Variants in DGKB observed in about 807,000 individuals in gnomAD.
The protein encoded by DGKB is 90 kDa diacylglycerol kinase.
In DGKB, 67 loss-of-function variants were observed where a neutral mutation model predicts 114.3. The observed-to-expected ratio is 0.59, with a 90% CI of 0.48 to 0.72. DGKB has a LOEUF of 0.72. DGKB is among the 30% of genes least tolerant of loss of function. The pLI, the probability that DGKB is intolerant of heterozygous loss-of-function variation, is 0.00. For synonymous variants in DGKB, 398 were observed against 323.1 expected, an observed-to-expected ratio of 1.23 and a Z score of -2.49; for missense variants, 907 against 975.2, an observed-to-expected ratio of 0.93 and a Z score of 0.93.
intron 25 of DGKB, among the ~76,000 whole-genome samples, chr7:14,169,993 G>T (rs185103328): frequency 1.0e-3 from 158 of 151,848 alleles, no homozygotes; most frequent in Non-Finnish European, 2.5e-4. Context: ...AATTAGCCAG[G>T]TGTGGTGGCA....
intron 20 of DGKB, among the ~76,000 whole-genome samples, chr7:14,559,356 C>T (rs907032942): frequency 5.3e-5 from 8 of 152,016 alleles, no homozygotes; most frequent in African/African-American, 1.4e-4. Context: ...TGCAGTCCTC[C>T]TACATCATTT....
chr7:14,517,295 C>T (rs989076789), intron 20 of DGKB, among the ~76,000 whole-genome samples: 1 of 151,952 alleles, frequency 6.6e-6, no homozygotes. Context: ...ATACCACATA[C>T]AAAAATCAAC....
chr7:14,876,131 G>A (rs546988561), intron 1 of DGKB, among the ~76,000 whole-genome samples: 2 of 152,268 alleles, frequency 1.3e-5, no homozygotes, highest in South Asian at 2.1e-4. Flanking sequence ...CTTTCCATAA[G>A]ACATGCCCAC....
intron 23 of DGKB, among the ~76,000 whole-genome samples, chr7:14,208,865 T>C (rs1787264943): frequency 1.4e-5 from 2 of 147,328 alleles, no homozygotes; most frequent in African/African-American, 2.6e-5. Flanking sequence ...AGAATATTCA[T>C]AGCCTCCTGG....
At chr7:14,639,492 C>A (rs2128870503) in intron 13 of DGKB, among the ~76,000 whole-genome samples, 1 of 152,308 alleles carries the variant, frequency 6.6e-6, no homozygotes, top group East Asian at 1.9e-4. Flanking sequence ...TGAGTGTTAA[C>A]TTCTGAAAGC....
Position 14,149,256 on chromosome 7 carries a change from GA to G in DGKB, c.2305-19del. ...ATTTTTATCTAGAAAAAAAGAGAGA[GA>G]GAGAGAGAGAAAGAATAGAGTAATC... On this transcript the variant is annotated intron_variant, in intron 25 of 25. Coordinates refer to ENST00000402815, the MANE Select transcript of DGKB (RefSeq NM_001350709.2). 1 of 1,566,090 alleles carries G rather than the reference GA, an allele frequency of 6.4e-7. No homozygotes were observed. Among genetic ancestry groups the G allele is most frequent in the Admixed American group, 1.7e-5 (1 of 59,246 alleles).
intron 16 of DGKB, 76 bp downstream of exon 16, chr7:14,613,264 G>A: frequency 1.2e-6 from 1 of 811,780 alleles, no homozygotes; most frequent in African/African-American, 1.7e-5. Flanking sequence ...TTGTTTTTAA[G>A]CATTTTTACA....
chr7:14,295,187 C>T (rs1802345328), intron 23 of DGKB, among the ~76,000 whole-genome samples: 1 of 152,096 alleles, frequency 6.6e-6, no homozygotes, highest in South Asian at 2.1e-4. Context: ...TATATGTATA[C>T]AAAATATGCA....
chr7:14,802,759 A>T lies in DGKB; in HGVS notation c.70+38435T>A, dbSNP rs184486021. ...ACATAAAAATCACAGATTTACTAAAATCTGCACCTACATTCCTCTTACCTT... is the reference window on the plus strand; with the variant it reads ...ACATAAAAATCACAGATTTACTAAATTCTGCACCTACATTCCTCTTACCTT... On this transcript the variant is annotated intron_variant, in intron 2 of 25. Transcript: ENST00000402815. Among the ~76,000 whole-genome samples, 318 of 152,284 alleles carry T rather than the reference A, an allele frequency of 2.1e-3. 2 individuals are homozygous for T. Among genetic ancestry groups the T allele is most frequent in the Non-Finnish European group, 3.2e-3 (218 of 68,014 alleles).
chr7:14,162,227 A>G (rs935666789), intron 25 of DGKB, among the ~76,000 whole-genome samples: 1 of 152,240 alleles, frequency 6.6e-6, no homozygotes, highest in African/African-American at 2.4e-5. Flanking sequence ...TATAGTCTGT[A>G]TCCACCAGCA....
chr7:14,621,137 T>C (rs17666806), intron 15 of DGKB: 133,787 of 384,744 alleles, frequency 0.35, 27,500 homozygotes, highest in Middle Eastern at 0.45. Flanking sequence ...TTTCAAAAGA[T>C]CTCTTGCCAA....
intron 21 of DGKB, among the ~76,000 whole-genome samples, chr7:14,395,222 G>T (rs1822035820): frequency 1.3e-5 from 2 of 152,000 alleles, no homozygotes; most frequent in East Asian, 1.9e-4. Context: ...AAACATAAAG[G>T]CAAATCTTAT....
intron 5 of DGKB, among the ~76,000 whole-genome samples, chr7:14,734,404 C>T (rs889372211): frequency 6.6e-6 from 1 of 152,136 alleles, no homozygotes; most frequent in Non-Finnish European, 1.5e-5. Flanking sequence ...ACTTGTGGCT[C>T]TCCTGGGATC....
chr7:14,916,717 A>T (rs945798066), intron 1 of DGKB, among the ~76,000 whole-genome samples: 7 of 152,156 alleles, frequency 4.6e-5, no homozygotes, highest in Non-Finnish European at 1.5e-5. Flanking sequence ...CCTCTATAAC[A>T]GCTATTGACA....
At chr7:14,405,473 A>C (rs1400297588) in intron 21 of DGKB, among the ~76,000 whole-genome samples, 1 of 152,068 alleles carries the variant, frequency 6.6e-6, no homozygotes, top group Admixed American at 6.6e-5. Context: ...TGTAGTAAGA[A>C]TTAAATGAGA....
chr7:14,628,697 A>G (rs1456983604), intron 14 of DGKB, among the ~76,000 whole-genome samples: 1 of 152,174 alleles, frequency 6.6e-6, no homozygotes, highest in East Asian at 1.9e-4. Context: ...TCCTGATGGC[A>G]GAACATAAGG....
chr7:14,751,917 T>G (rs530220949), intron 4 of DGKB, among the ~76,000 whole-genome samples: 2 of 152,356 alleles, frequency 1.3e-5, no homozygotes, highest in Non-Finnish European at 2.9e-5. Context: ...CATTAAAGTA[T>G]GACCACAGCC....
chr7:14,665,422 G>T (rs118141450), intron 13 of DGKB, among the ~76,000 whole-genome samples: 2,920 of 151,972 alleles, frequency 0.019, 48 homozygotes, highest in Middle Eastern at 0.048. Context: ...TGCATAGTAG[G>T]CTTAGTACCT....
chr7:14,748,578 GTAGTAGAATA>G lies in DGKB; in HGVS notation c.168+5340_168+5349del, dbSNP rs1448785202. Among the ~76,000 whole-genome samples, 4 of 152,114 alleles carry G rather than the reference GTAGTAGAATA, an allele frequency of 2.6e-5. No homozygotes were observed. In the East Asian group the frequency reaches 7.7e-4, roughly 29 times the overall value. On this transcript the variant is annotated intron_variant, in intron 4 of 25. Coordinates refer to ENST00000402815, the MANE Select transcript of DGKB (RefSeq NM_001350709.2). ...GGAGCAGGAGTGAGGGAGGACCAGA[GTAGTAGAATA>G]CAAGGTCAAAGACTCAAGCTGTGGC...
Sources: gnomAD v4.1 joint callset for allele counts (sites outside exome capture counted in the v4.1 genomes callset) on GRCh38, gnomAD v4.1.1 for gene constraint, MANE v1.5 for transcripts, NCBI Gene and HGNC (gene_info 2026-07-23, HGNC 2026-07-21) for gene names.